ERC2: variants seen among roughly 807,000 people sequenced by gnomAD.
The protein encoded by ERC2 is ERC protein 2.
A neutral mutation model predicts 114.8 loss-of-function variants in ERC2; 42 were observed. The observed-to-expected ratio is 0.37, with a 90% CI of 0.29 to 0.47. The LOEUF is 0.47. Ranked by LOEUF, ERC2 falls within the 20% of genes least tolerant of loss-of-function variation. The pLI is 0.99. For missense variants in ERC2, 939 were observed against 1,150.7 expected (o/e 0.82, Z 2.66); for synonymous variants, 454 against 425.5 (o/e 1.07, Z -0.82).
intron 5 of ERC2, among the ~76,000 whole-genome samples, chr3:56,144,045 T>C (rs1402173109): frequency 4.6e-5 from 7 of 152,116 alleles, no homozygotes; most frequent in African/African-American, 1.7e-4. Context: ...ATCTAAAGGA[T>C]TGGTAGTGGC....
intron 1 of ERC2, among the ~76,000 whole-genome samples, chr3:56,437,472 T>C (rs899558369): frequency 6.6e-6 from 1 of 152,254 alleles, no homozygotes; most frequent in Non-Finnish European, 1.5e-5. Context: ...GATGCATTTG[T>C]CTATAAATTT....
chr3:56,420,656 C>T (rs1389614810), intron 2 of ERC2, among the ~76,000 whole-genome samples: 1 of 151,190 alleles, frequency 6.6e-6, no homozygotes, highest in Non-Finnish European at 1.5e-5. Context: ...GAGGCCAAGA[C>T]AGGCAGATCA....
rs116117636 is a variant in ERC2, at chr3:55,921,353, G to A, written c.2403+29072C>T. Among the ~76,000 whole-genome samples the A allele has an allele frequency of 3.7e-3, 563 of 152,140 alleles. 2 individuals are homozygous for A. The highest frequency in any genetic ancestry group is 0.013 in the African/African-American group (526 of 41,526). On this transcript the variant is annotated intron_variant, in intron 13 of 17. Coordinates refer to ENST00000288221, the MANE Select transcript of ERC2 (RefSeq NM_015576.3). The stretch of plus-strand genomic sequence containing the variant: ...GTTTGGGGAAGAGGGGGCAGGGTCC[G>A]ATCTAGCTCTGAGAATTGCCTCCTG...
chr3:55,938,653 G>A (rs2066597484), intron 13 of ERC2, among the ~76,000 whole-genome samples: 1 of 152,186 alleles, frequency 6.6e-6, no homozygotes, highest in African/African-American at 2.4e-5. Context: ...ATTTTTAAAT[G>A]TGCGGTTTTC....
chr3:55,999,901 T>C (rs1293109842), intron 10 of ERC2, among the ~76,000 whole-genome samples: 1 of 151,636 alleles, frequency 6.6e-6, no homozygotes, highest in East Asian at 1.9e-4. Flanking sequence ...GATAGAAAAT[T>C]AAAGGCTAAA....
At position 55,946,600 on chromosome 3, in the gene ERC2, T is replaced by C. The variant is rs73831816; in HGVS notation, c.2403+3825A>G. On this transcript the variant is annotated intron_variant, in intron 13 of 17. Transcript: ENST00000288221. ...TTCATAAACCTTATTTTATTTAACC[T>C]GCCCAGGGAGGTAAAGATTGTAATC... is the stretch of plus-strand genomic sequence containing the variant. 7.1e-3 allele frequency among the ~76,000 whole-genome samples: 1,083 copies of C among 152,244 alleles called. 6 individuals carry two copies. The highest frequency in any genetic ancestry group is 0.031 in the Middle Eastern group (9 of 294).
At chr3:56,099,005 T>A (rs1468248997) in intron 6 of ERC2, among the ~76,000 whole-genome samples, 1 of 152,210 alleles carries the variant, frequency 6.6e-6, no homozygotes. Flanking sequence ...TTGGATAAAG[T>A]GTCTTTCAAA....
chr3:55,634,791 A>G (rs1410191866), intron 17 of ERC2, among the ~76,000 whole-genome samples: 2 of 152,196 alleles, frequency 1.3e-5, no homozygotes. Context: ...GCTCACTAAT[A>G]GTGGTTCATT....
At chr3:56,115,219 A>G (rs2079160991) in intron 6 of ERC2, among the ~76,000 whole-genome samples, 1 of 152,170 alleles carries the variant, frequency 6.6e-6, no homozygotes, top group Non-Finnish European at 1.5e-5. Flanking sequence ...AATTGGCTCT[A>G]TATGGGCAGT....
chr3:56,335,361 A>G (rs150344024), intron 2 of ERC2, among the ~76,000 whole-genome samples: 86 of 152,334 alleles, frequency 5.6e-4, no homozygotes, highest in Middle Eastern at 3.4e-3. Context: ...CACAGATGTC[A>G]GCAGAATTTC....
At chr3:56,020,875 C>T (rs2073669062) in intron 7 of ERC2, among the ~76,000 whole-genome samples, 1 of 152,228 alleles carries the variant, frequency 6.6e-6, no homozygotes, top group South Asian at 2.1e-4. Flanking sequence ...ATGTCATAAT[C>T]CCTGGGGCCT....
chr3:56,434,801 C>T lies in ERC2; in HGVS notation c.207G>A (p.Gly69=), dbSNP rs770200619. 2 of 1,613,762 alleles carry T rather than the reference C, an allele frequency of 1.2e-6. No individual in the cohort carries two copies. Among genetic ancestry groups the T allele is most frequent in the Admixed American group, 1.7e-5 (1 of 59,988 alleles). ...CCTTTGGGTAGGTTGTTGAAGCCAC[C>T]CCTTCATGATCACTCAGATACATGG... ...SGPMYLSDHE[G]VASTTYPKGT... The change falls in exon 2 of 18, where the codon GGG becomes GGA. Residue 69 remains glycine, a synonymous_variant. Transcript: ENST00000288221.
intron 14 of ERC2, among the ~76,000 whole-genome samples, chr3:55,804,640 G>A (rs535032250): frequency 1.3e-5 from 2 of 152,256 alleles, no homozygotes; most frequent in Non-Finnish European, 2.9e-5. Flanking sequence ...CTAATCAGGA[G>A]ATATGGCTGA....
At chr3:56,352,890 A>G (rs2058604423) in intron 2 of ERC2, among the ~76,000 whole-genome samples, 1 of 152,156 alleles carries the variant, frequency 6.6e-6, no homozygotes, top group Admixed American at 6.5e-5. Flanking sequence ...GCAGCTAACA[A>G]TGTGGCAGCT....
At chr3:56,012,746 T>G (rs1163221481) in intron 8 of ERC2, among the ~76,000 whole-genome samples, 1 of 152,180 alleles carries the variant, frequency 6.6e-6, no homozygotes, top group African/African-American at 2.4e-5. Flanking sequence ...TACAACATAT[T>G]TCTCCGTCAA....
intron 14 of ERC2, among the ~76,000 whole-genome samples, chr3:55,760,221 G>A (rs2067337221): frequency 6.6e-6 from 1 of 152,126 alleles, no homozygotes; most frequent in Non-Finnish European, 1.5e-5. Context: ...GGAGCAAACT[G>A]GATTCTTCAG....
intron 3 of ERC2, among the ~76,000 whole-genome samples, chr3:56,196,493 C>CTTT (rs58861980): frequency 1.7e-5 from 2 of 120,682 alleles, no homozygotes; most frequent in Admixed American, 8.3e-5. Context: ...TTCTTGCCTT[C>CTTT]TTTTTTTTTT....
At chr3:56,211,972 A>C (rs1430193625) in intron 3 of ERC2, among the ~76,000 whole-genome samples, 1 of 152,172 alleles carries the variant, frequency 6.6e-6, no homozygotes, top group African/African-American at 2.4e-5. Flanking sequence ...CAAAGACTCA[A>C]ATCTGAAACC....
At chr3:56,240,332 TTTAACAGAACA>T (rs1186614188) in intron 3 of ERC2, among the ~76,000 whole-genome samples, 3 of 152,196 alleles carry the variant, frequency 2.0e-5, no homozygotes, top group Non-Finnish European at 4.4e-5. Context: ...GAGAAGTTTA[TTTAACAGAACA>T]TTAACTGAGA....
Sources: gnomAD v4.1 joint callset for allele counts (sites outside exome capture counted in the v4.1 genomes callset) on GRCh38, gnomAD v4.1.1 for gene constraint, MANE v1.5 for transcripts, NCBI Gene and HGNC (gene_info 2026-07-23, HGNC 2026-07-21) for gene names.